The following SLCO2A1 variants were observed in gnomAD, a reference collection of about 807,000 sequenced individuals.
SLCO2A1 encodes solute carrier organic anion transporter family member 2A1.
A neutral mutation model predicts 71.7 loss-of-function variants in SLCO2A1; 60 were observed. The observed-to-expected ratio is 0.84, with a 90% CI of 0.68 to 1.04. The LOEUF is 1.04. SLCO2A1 is among the 50% of genes least tolerant of loss of function. The pLI is 0.00. For missense variants in SLCO2A1, 745 were observed against 813.4 expected, an observed-to-expected ratio of 0.92 and a Z score of 1.02; for synonymous variants, 308 against 326.7, an observed-to-expected ratio of 0.94 and a Z score of 0.62.
At chr3:134,002,842 G>C (rs73864028) in intron 1 of SLCO2A1, among the ~76,000 whole-genome samples, 2,102 of 152,174 alleles carry the variant, frequency 0.014, 51 homozygotes, top group African/African-American at 0.048. Context: ...ACTCTTTCTT[G>C]GAAACAAGGC....
chr3:133,970,891 G>C lies in SLCO2A1; in HGVS notation c.397+2772C>G, dbSNP rs1934307267. Among the ~76,000 whole-genome samples, 3 of 152,264 alleles carry C rather than the reference G, an allele frequency of 2.0e-5. No homozygotes were observed. In the South Asian group the frequency reaches 6.2e-4, roughly 31 times the overall value. ...TCCTCTATCAGAAGATTTTGTCTTA[G>C]AGCACTGAGGTCAAGGCTGGAACAG... On this transcript the variant is annotated intron_variant, in intron 3 of 13. Coordinates refer to ENST00000310926, the MANE Select transcript of SLCO2A1 (RefSeq NM_005630.3).
intron 1 of SLCO2A1, among the ~76,000 whole-genome samples, chr3:134,005,311 G>A (rs1935183314): frequency 6.6e-6 from 1 of 151,982 alleles, no homozygotes; most frequent in African/African-American, 2.4e-5. Context: ...TTCTTTAGCT[G>A]GCATTCTTCT....
rs1222963161 is a variant in SLCO2A1, at chr3:133,933,982, G to A, written c.*731C>T. 1 of 152,244 alleles carries A rather than the reference G, an allele frequency of 6.6e-6. No homozygotes were observed. The highest frequency in any genetic ancestry group is 2.4e-5 in the African/African-American group (1 of 41,444). 9.4% of individuals were successfully genotyped at this position (152,244 alleles called of 1,614,324 possible). A position where few individuals can be genotyped will look rare whatever the true frequency, so the allele number is the denominator to read the frequency against. ...CAGAAAGACAGGGATAACATGTGAG[G>A]ATCTAAGGACAGAAAGTCCAGGGTT... On this transcript the variant is annotated 3_prime_UTR_variant, in exon 14 of 14. Coordinates refer to ENST00000310926, the MANE Select transcript of SLCO2A1 (RefSeq NM_005630.3).
chr3:133,991,777 C>T (rs1369277589), intron 1 of SLCO2A1, among the ~76,000 whole-genome samples: 1 of 152,218 alleles, frequency 6.6e-6, no homozygotes, highest in Non-Finnish European at 1.5e-5. Context: ...AGATCTCTCA[C>T]TGCTCAGTGT....
intron 1 of SLCO2A1, among the ~76,000 whole-genome samples, chr3:134,026,935 C>T (rs544535865): frequency 5.9e-5 from 9 of 152,150 alleles, no homozygotes; most frequent in African/African-American, 4.8e-5. Context: ...TGGTTCCCAG[C>T]GCTAAGAGAA....
At chr3:134,018,213 T>C (rs1182595355) in intron 1 of SLCO2A1, among the ~76,000 whole-genome samples, 3 of 152,198 alleles carry the variant, frequency 2.0e-5, no homozygotes, top group Admixed American at 2.0e-4. Context: ...TTGTCTTCAA[T>C]GTTAGAGAAA....
intron 4 of SLCO2A1, among the ~76,000 whole-genome samples, chr3:133,954,188 G>A (rs1362622382): frequency 9.1e-6 from 1 of 110,398 alleles, no homozygotes; most frequent in African/African-American, 3.1e-5. Flanking sequence ...TTTAGATGGA[G>A]TTTCACTCTT....
At chr3:134,015,677 C>A (rs1255327032) in intron 1 of SLCO2A1, among the ~76,000 whole-genome samples, 2 of 152,164 alleles carry the variant, frequency 1.3e-5, no homozygotes, top group Non-Finnish European at 2.9e-5. Flanking sequence ...ATTAAAACGT[C>A]ACATTGTACT....
At chr3:133,956,154 C>T (rs1174107910) in intron 3 of SLCO2A1, among the ~76,000 whole-genome samples, 1 of 152,244 alleles carries the variant, frequency 6.6e-6, no homozygotes, top group Non-Finnish European at 1.5e-5. Context: ...ACCAATCTCA[C>T]TCGCTTAACA....
intron 1 of SLCO2A1, among the ~76,000 whole-genome samples, chr3:134,029,137 C>T (rs866838146): frequency 6.6e-6 from 1 of 152,088 alleles, no homozygotes; most frequent in Non-Finnish European, 1.5e-5. Context: ...AACATAACTG[C>T]GAGCGGCACA....
chr3:134,029,473 A>AAAAC (rs1553760488), intron 1 of SLCO2A1, among the ~76,000 whole-genome samples: 3 of 149,890 alleles, frequency 2.0e-5, no homozygotes, highest in Non-Finnish European at 3.0e-5. Flanking sequence ...AAGGCGTGTG[A>AAAAC]ACACACACAC....
chr3:134,017,989 G>A (rs546650761), intron 1 of SLCO2A1, among the ~76,000 whole-genome samples: 12 of 152,234 alleles, frequency 7.9e-5, no homozygotes, highest in South Asian at 4.2e-4. Flanking sequence ...TCTATACTGC[G>A]AAACATACAA....
At chr3:133,990,133 C>T (rs1044395786) in intron 1 of SLCO2A1, among the ~76,000 whole-genome samples, 9 of 152,260 alleles carry the variant, frequency 5.9e-5, no homozygotes, top group South Asian at 2.1e-4. Flanking sequence ...GCCAAGCCCG[C>T]GGGCTCCCCG....
At chr3:133,965,140 G>A (rs777020325) in intron 3 of SLCO2A1, among the ~76,000 whole-genome samples, 7 of 152,192 alleles carry the variant, frequency 4.6e-5, no homozygotes, top group Admixed American at 2.0e-4. Context: ...AAAAAAAACC[G>A]TTAGCGGAGC....
chr3:133,966,333 A>G (rs1340714042), intron 3 of SLCO2A1, among the ~76,000 whole-genome samples: 4 of 152,212 alleles, frequency 2.6e-5, no homozygotes, highest in Admixed American at 6.5e-5. Flanking sequence ...GTCTAGTCCC[A>G]TGGTGTTCAA....
chr3:133,962,073 T>C (rs1375408512), intron 3 of SLCO2A1, among the ~76,000 whole-genome samples: 4 of 152,178 alleles, frequency 2.6e-5, no homozygotes, highest in African/African-American at 9.6e-5. Context: ...AGAATTTATT[T>C]TTATTTTATT....
chr3:133,958,814 C>T (rs1056912656), intron 3 of SLCO2A1, among the ~76,000 whole-genome samples: 17 of 152,190 alleles, frequency 1.1e-4, no homozygotes, highest in African/African-American at 3.9e-4. Context: ...ATCTTGGGTA[C>T]ACTGTGTATG....
chr3:133,968,626 G>A (rs908026224), intron 3 of SLCO2A1, among the ~76,000 whole-genome samples: 1 of 152,216 alleles, frequency 6.6e-6, no homozygotes, highest in Non-Finnish European at 1.5e-5. Flanking sequence ...CTTCCTGCCT[G>A]CGGCATCCAT....
Position 133,949,212 on chromosome 3 carries a change from A to G in SLCO2A1, c.862-241T>C. On this transcript the variant is annotated intron_variant, in intron 6 of 13. Transcript: ENST00000310926. ...CATCTATGCCAATGCCTCCCACGATACCTGTGGGCATATCATTTCATATCT... is the reference window on the plus strand; with the variant it reads ...CATCTATGCCAATGCCTCCCACGATGCCTGTGGGCATATCATTTCATATCT... 8 of 541,126 alleles carry G rather than the reference A, an allele frequency of 1.5e-5. No homozygotes were observed. In the South Asian group the frequency reaches 1.7e-4, roughly 12 times the overall value. The allele number at this position is 541,126 out of a possible 1,614,324, so 33.5% of individuals were successfully genotyped here.
Sources: allele counts gnomAD v4.1 joint callset (sites outside exome capture counted in the v4.1 genomes callset), GRCh38; gene constraint gnomAD v4.1.1; transcripts MANE v1.5; gene names NCBI Gene and HGNC (gene_info 2026-07-23, HGNC 2026-07-21).